CNOT1: variants seen among roughly 807,000 people sequenced by gnomAD.
CNOT1 encodes CCR4-associated factor 1.
Under a neutral mutation model 273.8 loss-of-function variants are expected in CNOT1, and 15 were observed. The ratio of observed to expected loss-of-function variants is 0.05; its 90% CI spans 0.04 to 0.08. The LOEUF (loss-of-function observed/expected upper bound fraction) is 0.08, where lower values mean the gene tolerates loss of function less well. Among genes scored for constraint, CNOT1 ranks in the 10% least tolerant of loss-of-function variants. CNOT1 has a pLI of 1.00. For synonymous variants in CNOT1, 1,022 were observed against 1,005.5 expected (o/e 1.02, Z -0.31); for missense variants, 1,644 against 2,912.2 (o/e 0.56, Z 10.02).
In CNOT1 at chr16:58,546,589, C is replaced by T. The variant is rs138523787; in HGVS notation, c.3828+83G>A. ...CTACTTTCAGTTATTATAGTACTTC[C>T]CCCGAAATACCCTGCCTTCACTGTA... On this transcript the variant is annotated intron_variant, in intron 28 of 48. Coordinates refer to ENST00000317147, the MANE Select transcript of CNOT1 (RefSeq NM_016284.5). 2.2e-3 allele frequency: 3,549 copies of T among 1,608,264 alleles called. 10 individuals are homozygous for T. Among genetic ancestry groups the T allele is most frequent in the Non-Finnish European group, 2.7e-3 (3,215 of 1,177,214 alleles).
chr16:58,541,569 T>G lies in CNOT1; in HGVS notation c.4732A>C (p.Asn1578His). The part of the protein sequence containing the change: ...QLAVYEEFAR[N>H]VPGFLPTNDL... ...TTTGTAGGTAAGAAGCCAGGAACATTGCGTGCAAACTCTTCGTAAACAGCC... is the reference window on the plus strand; with the variant it reads ...TTTGTAGGTAAGAAGCCAGGAACATGGCGTGCAAACTCTTCGTAAACAGCC... Residue 1578 changes from asparagine to histidine, a missense_variant, in exon 34 of 49, where the codon AAT becomes CAT. Asn to His is a moderately conservative substitution (Grantham distance 68). This residue lies in a region of CNOT1 where 170 missense variants were observed against 273.1 expected (regional missense o/e 0.62). Coordinates refer to ENST00000317147, the MANE Select transcript of CNOT1 (RefSeq NM_016284.5). 6.2e-7 allele frequency: 1 copy of G among 1,614,080 alleles called. No homozygotes were observed. Among genetic ancestry groups the G allele is most frequent in the Non-Finnish European group, 8.5e-7 (1 of 1,179,936 alleles).
In CNOT1 at chr16:58,613,514, T is replaced by TGGCAATG. The variant is rs2042971220; in HGVS notation, c.-174-14004_-174-14003insCATTGCC. Among the ~76,000 whole-genome samples, 10 of 124,684 alleles carry TGGCAATG rather than the reference T, an allele frequency of 8.0e-5. 1 individual carries two copies. In the South Asian group the frequency reaches 2.4e-3, roughly 29 times the overall value. The allele number at this position is 124,684 out of a possible 152,430, so 81.8% of individuals were successfully genotyped here. ...ACTTAGGAGTCACCTTTTAATTCAT[T>TGGCAATG]ACTTTTTCTCCAGGCAATGACCAAT... On this transcript the variant is annotated intron_variant, in intron 1 of 48. Coordinates refer to ENST00000317147, the MANE Select transcript of CNOT1 (RefSeq NM_016284.5).
intron 7 of CNOT1, among the ~76,000 whole-genome samples, chr16:58,585,756 C>A (rs1261070464): frequency 2.0e-5 from 3 of 152,168 alleles, no homozygotes; most frequent in African/African-American, 7.2e-5. Context: ...CATCTACTGA[C>A]CAATTCGTAC....
intron 46 of CNOT1, 90 bp downstream of exon 46, chr16:58,525,089 T>G: frequency 8.2e-7 from 1 of 1,214,980 alleles, no homozygotes; most frequent in Non-Finnish European, 1.2e-6. Flanking sequence ...CCTTCACTAT[T>G]GTGGCTTGAA....
At position 58,532,187 on chromosome 16, in the gene CNOT1, T is replaced by G. The variant is rs759616134; in HGVS notation, c.6059+45A>C. On this transcript the variant is annotated intron_variant, in intron 41 of 48. Transcript: ENST00000317147. ...GTTCTACTCCCAAAATTTTACTACA[T>G]TAATCCAGCAAACCTTAACACAAAA... The G allele has an allele frequency of 8.7e-6, 14 of 1,607,818 alleles. No individual in the cohort carries two copies. In the South Asian group the frequency reaches 1.5e-4, roughly 18 times the overall value.
At chr16:58,609,397 C>T (rs1018833125) in intron 1 of CNOT1, among the ~76,000 whole-genome samples, 2 of 151,646 alleles carry the variant, frequency 1.3e-5, no homozygotes, top group Non-Finnish European at 2.9e-5. Flanking sequence ...AAAATACAAA[C>T]AAACAAAAAA....
intron 1 of CNOT1, among the ~76,000 whole-genome samples, chr16:58,609,335 G>C (rs1252958712): frequency 6.6e-6 from 1 of 151,724 alleles, no homozygotes; most frequent in Non-Finnish European, 1.5e-5. Context: ...TCTTGCCATT[G>C]CACTCCAGCC....
intron 16 of CNOT1, among the ~76,000 whole-genome samples, chr16:58,573,123 T>A (rs1198263211): frequency 6.6e-6 from 1 of 151,532 alleles, no homozygotes; most frequent in Non-Finnish European, 1.5e-5. Context: ...CTGGCCAACA[T>A]GGCAAAACCC....
rs770207635 is a variant in CNOT1 at position 58,528,354 on chromosome 16, A to T, written c.6453+121T>A. 4 of 744,312 alleles carry T rather than the reference A, an allele frequency of 5.4e-6. No homozygotes were observed. In the East Asian group the frequency reaches 9.9e-5, roughly 18 times the overall value. The allele number at this position is 744,312 out of a possible 1,614,324, so 46.1% of individuals were successfully genotyped here. A position where few individuals can be genotyped will look rare whatever the true frequency, so the allele number is the denominator to read the frequency against. On this transcript the variant is annotated intron_variant, in intron 44 of 48. Transcript: ENST00000317147. ...CTTAATAACATTATTTCCTTTAAAG[A>T]GTACCCTTAACTAATAGTGTGCGTG...
rs1361561308 is a variant in CNOT1 at position 58,614,108 on chromosome 16, A to AG, written c.-174-14598_-174-14597insC. ...CACTGTCTCAAAAAAAAAAAAAAAG[A>AG]AAAGAAAATTACTCTCAAAACCAAA... On this transcript the variant is annotated intron_variant, in intron 1 of 48. Coordinates refer to ENST00000317147, the MANE Select transcript of CNOT1 (RefSeq NM_016284.5). Among the ~76,000 whole-genome samples, 11 of 118,214 alleles carry AG rather than the reference A, an allele frequency of 9.3e-5. 1 individual carries two copies. The highest frequency in any genetic ancestry group is 5.9e-4 in the East Asian group (3 of 5,048). 77.6% of individuals were successfully genotyped at this position (118,214 alleles called of 152,430 possible). A position where few individuals can be genotyped will look rare whatever the true frequency, so the allele number is the denominator to read the frequency against.
chr16:58,567,390 A>G (rs1288761035), intron 16 of CNOT1, among the ~76,000 whole-genome samples: 2 of 152,004 alleles, frequency 1.3e-5, no homozygotes, highest in East Asian at 3.9e-4. Flanking sequence ...TCGGAAGCCA[A>G]GGCAGGAGGA....
At position 58,615,231 on chromosome 16, in the gene CNOT1, G is replaced by A. The variant is rs2043034254; in HGVS notation, c.-175+14497C>T. ...TCTTATCACAAAGATGATCTGGGAA[G>A]CTACTTTGATTGGTTTGGGTCTGTT... On this transcript the variant is annotated intron_variant, in intron 1 of 48. Coordinates refer to ENST00000317147, the MANE Select transcript of CNOT1 (RefSeq NM_016284.5). 1.6e-5 allele frequency among the ~76,000 whole-genome samples: 2 copies of A among 124,788 alleles called. 1 individual carries two copies. Among genetic ancestry groups the A allele is most frequent in the Non-Finnish European group, 3.8e-5 (2 of 52,540 alleles). The allele number at this position is 124,788 out of a possible 152,430, so 81.9% of individuals were successfully genotyped here. A position where few individuals can be genotyped will look rare whatever the true frequency, so the allele number is the denominator to read the frequency against.
At chr16:58,546,803 T>C in intron 27 of CNOT1, 54 bp from the exon 28 acceptor site, 2 of 1,607,952 alleles carry the variant, frequency 1.2e-6, no homozygotes, top group East Asian at 2.2e-5. Flanking sequence ...TTAATTTGGA[T>C]TATTTAAAAC....
chr16:58,625,905 T>C (rs565747350), intron 1 of CNOT1, among the ~76,000 whole-genome samples: 3 of 147,762 alleles, frequency 2.0e-5, no homozygotes, highest in African/African-American at 7.5e-5. Context: ...GGGCAGAAGG[T>C]GTTGAGCCCC....
chr16:58,530,567 G>C (rs1398977835), intron 42 of CNOT1: 3 of 341,948 alleles, frequency 8.8e-6, no homozygotes, highest in Admixed American at 8.9e-5. Context: ...TGGATCACTT[G>C]AAGTCAGGAG....
At chr16:58,549,296 GAA>G (rs59714224) in intron 25 of CNOT1, among the ~76,000 whole-genome samples, 43 of 119,564 alleles carry the variant, frequency 3.6e-4, no homozygotes, top group African/African-American at 7.6e-4. Context: ...CAAAAAAATT[GAA>G]AAAAAAAAAA....
At chr16:58,597,242 G>A (rs1250209613) in intron 2 of CNOT1, among the ~76,000 whole-genome samples, 1 of 152,082 alleles carries the variant, frequency 6.6e-6, no homozygotes, top group Non-Finnish European at 1.5e-5. Flanking sequence ...GGGAAGCCGA[G>A]GCGGGCACAT....
intron 29 of CNOT1, 122 bp from the exon 30 acceptor site, chr16:58,545,613 A>ACCCTC: frequency 6.8e-7 from 1 of 1,466,542 alleles, no homozygotes; most frequent in Non-Finnish European, 9.1e-7. Flanking sequence ...AGAGGAGGGA[A>ACCCTC]GGATGTAGCA....
chr16:58,526,850 CAGAA>C (rs2039605085), intron 44 of CNOT1, among the ~76,000 whole-genome samples: 2 of 147,728 alleles, frequency 1.4e-5, no homozygotes, highest in South Asian at 2.1e-4. Context: ...ATGCATGTGT[CAGAA>C]AGAGTAGAGA....
Sources: allele counts gnomAD v4.1 joint callset (sites outside exome capture counted in the v4.1 genomes callset), GRCh38; gene constraint gnomAD v4.1.1; regional missense constraint gnomAD v4.1.1; transcripts MANE v1.5; gene names NCBI Gene and HGNC (gene_info 2026-07-23, HGNC 2026-07-21).